Variants in SCRIB observed in about 807,000 individuals in gnomAD.
SCRIB encodes scribble planar cell polarity protein, also known as protein scribble homolog.
Under a neutral mutation model 170.0 loss-of-function variants are expected in SCRIB, and 72 were observed. The ratio of observed to expected loss-of-function variants is 0.42; its 90% CI spans 0.35 to 0.52. The LOEUF (loss-of-function observed/expected upper bound fraction) is 0.52. Ranked by LOEUF, SCRIB falls within the 20% of genes least tolerant of loss-of-function variation. The pLI is 0.02. For synonymous variants in SCRIB, 1,298 were observed against 1,044.3 expected, an observed-to-expected ratio of 1.24 and a Z score of -4.68; for missense variants, 2,475 against 2,338.5, an observed-to-expected ratio of 1.06 and a Z score of -1.20.
intron 1 of SCRIB, chr8:143,814,850 A>G: frequency 4.0e-6 from 1 of 252,744 alleles, no homozygotes; most frequent in Non-Finnish European, 7.6e-6. Context: ...CCAGCAAAAA[A>G]GGAGAGGAGG....
At chr8:143,813,178 G>A (rs1014649156) in intron 6 of SCRIB, 74 bp from the exon 7 acceptor site, 22 of 1,582,144 alleles carry the variant, frequency 1.4e-5, no homozygotes, top group African/African-American at 2.7e-5. Flanking sequence ...GAGACTATAC[G>A]CCCCCACACC....
intron 27 of SCRIB, 142 bp downstream of exon 27, chr8:143,794,896 G>A (rs1164053031): frequency 4.3e-6 from 3 of 702,968 alleles, no homozygotes; most frequent in African/African-American, 3.5e-5. Context: ...GGCTGGGGTA[G>A]CCTGCAGGTC....
chr8:143,794,008 GCCC>G, intron 27 of SCRIB, 46 bp from the exon 28 acceptor site: 1 of 1,587,142 alleles, frequency 6.3e-7, no homozygotes, highest in Admixed American at 1.7e-5. Flanking sequence ...CAGGGCTGTG[GCCC>G]CCGACCAGGA....
rs757258202 is a variant in SCRIB at position 143,812,802 on chromosome 8, C to T, written c.787+15G>A. 3.1e-6 allele frequency: 5 copies of T among 1,596,004 alleles called. No individual in the cohort carries two copies. The highest frequency in any genetic ancestry group is 3.3e-4 in the Middle Eastern group (2 of 5,982). ...GCTCCGTGTGCCCCACCCAGGCACC[C>T]CCAGGCACACTAACCGATGCCGTCG... On this transcript the variant is annotated intron_variant, in intron 8 of 36. Coordinates refer to ENST00000356994, the MANE Select transcript of SCRIB (RefSeq NM_182706.5).
At chr8:143,815,161 G>C in intron 1 of SCRIB, 53 bp downstream of exon 1, 1 of 1,470,404 alleles carries the variant, frequency 6.8e-7, no homozygotes, top group Non-Finnish European at 9.0e-7. Context: ...GCCGCCGGAG[G>C]AATCACGGGC....
intron 19 of SCRIB, 30 bp downstream of exon 19, chr8:143,805,082 G>A (rs782731340): frequency 1.9e-6 from 3 of 1,590,370 alleles, no homozygotes; most frequent in Non-Finnish European, 2.6e-6. Context: ...CTCTAGAGCA[G>A]CCCTCCCCGG....
intron 21 of SCRIB, 21 bp downstream of exon 21, chr8:143,804,547 G>A (rs782168266): frequency 1.3e-6 from 2 of 1,489,462 alleles, no homozygotes; most frequent in Admixed American, 4.6e-5. Flanking sequence ...GTGGGTGCCT[G>A]GGTGGGGGCT....
At position 143,803,744 on chromosome 8, in the gene SCRIB, G is replaced by A; in HGVS notation, c.3317C>T (p.Ala1106Val). ...GCTGATGCCCAGCCTCTCCCCAGGT[G>A]CCTTCTGGATGCACAGTTCCCGTAG... is the stretch of plus-strand genomic sequence containing the variant. ...PGLRELCIQK[A>V]PGERLGISIR... is the part of the protein sequence containing the mutation. Residue 1106 changes from alanine (A) to valine (V), a missense_variant, in exon 23 of 37, where the codon GCA (alanine) becomes GTA (valine). Around this residue, in one of 3 missense-constraint regions of SCRIB, gnomAD observed 1,966 missense variants for 1,742.9 expected, o/e 1.13. Transcript: ENST00000356994. 4 of 1,599,952 alleles carry A rather than the reference G, an allele frequency of 2.5e-6. No homozygotes were observed. Among genetic ancestry groups the A allele is most frequent in the Non-Finnish European group, 3.4e-6 (4 of 1,178,750 alleles).
intron 24 of SCRIB, among the ~76,000 whole-genome samples, chr8:143,798,033 T>C (rs1228843905): frequency 6.6e-6 from 1 of 152,198 alleles, no homozygotes; most frequent in East Asian, 1.9e-4. Flanking sequence ...AGCAGAGAGA[T>C]GGAGGCCGGT....
Position 143,815,294 on chromosome 8 carries a change from C to T in SCRIB, c.79G>A (p.Val27Met). ...VDKRHCSLQA[V>M]PEEIYRYSRS... ...CTGTAGCGGTAGATCTCCTCCGGCA[C>T]GGCCTGCAGCGAACAGTGCCGCTTG... The change falls in exon 1 of 37, where the codon GTG becomes ATG. Residue 27 changes from valine to methionine, a missense_variant. Transcript: ENST00000356994. The T allele has an allele frequency of 6.3e-7, 1 of 1,594,272 alleles. No individual in the cohort carries two copies. The highest frequency in any genetic ancestry group is 8.5e-7 in the Non-Finnish European group (1 of 1,173,222).
In SCRIB at chr8:143,810,761, G is replaced by A. The variant is rs1305181004; in HGVS notation, c.1329C>T (p.Ser443=). 3 of 1,606,278 alleles carry A rather than the reference G, an allele frequency of 1.9e-6. No homozygotes were observed. The African/African-American group carries it at 4.0e-5, about 21-fold the overall frequency. The change falls in exon 12 of 37, where the codon AGC becomes AGT. Residue 443 remains serine, a synonymous_variant. Coordinates refer to ENST00000356994, the MANE Select transcript of SCRIB (RefSeq NM_182706.5). ...CCAGGAACTGGATGACGCTGACGCG[G>A]CTCGGCGGGGCATCGCTCCAGGTCT... The part of the protein sequence containing the change: ...LSETWSDAPP[S]RVSVIQFLEA...
At chr8:143,803,970 C>T (rs547311755) in intron 22 of SCRIB, 30 bp from the exon 23 acceptor site, 1 of 1,572,144 alleles carries the variant, frequency 6.4e-7, no homozygotes, top group East Asian at 2.3e-5. Context: ...CAGCTGGTGG[C>T]TGAGGCCGCG....
At chr8:143,802,140 G>A (rs1414890270) in intron 24 of SCRIB, among the ~76,000 whole-genome samples, 1 of 152,238 alleles carries the variant, frequency 6.6e-6, no homozygotes, top group Non-Finnish European at 1.5e-5. Context: ...CAGAGCTCGA[G>A]TCCTCAGATA....
In SCRIB at chr8:143,806,975, G is replaced by A; in HGVS notation, c.2217C>T (p.Gly739=). 3 of 1,613,410 alleles carry A rather than the reference G, an allele frequency of 1.9e-6. No individual in the cohort carries two copies. The highest frequency in any genetic ancestry group is 2.5e-6 in the Non-Finnish European group (3 of 1,179,746). ...AGCCCTTGCCGCCCGCAATGCTGAT[G>A]CCCAGGCCCCCAGTCTGCCGCAGGA... ...LTILRQTGGL[G]ISIAGGKGST... The change falls in exon 17 of 37, where the codon GGC becomes GGT. Residue 739 remains glycine, a synonymous_variant. Coordinates refer to ENST00000356994, the MANE Select transcript of SCRIB (RefSeq NM_182706.5).
intron 24 of SCRIB, 36 bp from the exon 25 acceptor site, chr8:143,795,566 G>A (rs1814908700): frequency 1.3e-6 from 2 of 1,525,992 alleles, no homozygotes; most frequent in Non-Finnish European, 1.8e-6. Flanking sequence ...AGGGGGGACT[G>A]CAACCCGGGG....
chr8:143,806,831 G>T, intron 17 of SCRIB, 93 bp downstream of exon 17: 1 of 917,020 alleles, frequency 1.1e-6, no homozygotes, highest in Non-Finnish European at 1.7e-6. Flanking sequence ...GAGCGTGTGA[G>T]TGTTCTCAGG....
Position 143,791,998 on chromosome 8 carries a change from AGGGGTGGGCGAC to A in SCRIB, c.4638_4649del (p.Ser1547_Pro1550del), listed in dbSNP as rs781865703. On this transcript the variant is annotated inframe_deletion, in exon 33 of 37. Transcript: ENST00000356994. The stretch of plus-strand genomic sequence containing the variant: ...CTGCCCTGACCCACAGACCTTCCAC[AGGGGTGGGCGAC>A]GGGGTGGGCGCAGGGGAAGGGGCCT... 3.6e-5 allele frequency: 47 copies of A among 1,307,004 alleles called. No homozygotes were observed. The highest frequency in any genetic ancestry group is 3.1e-4 in the Admixed American group (13 of 41,552). The allele number at this position is 1,307,004 out of a possible 1,614,324, so 81.0% of individuals were successfully genotyped here. A position where few individuals can be genotyped will look rare whatever the true frequency, so the allele number is the denominator to read the frequency against.
chr8:143,804,916 G>T lies in SCRIB; in HGVS notation c.2751+18C>A, dbSNP rs1449733966. The T allele has an allele frequency of 1.6e-5, 24 of 1,535,018 alleles. No individual in the cohort carries two copies. Among genetic ancestry groups the T allele is most frequent in the Non-Finnish European group, 2.0e-5 (23 of 1,146,384 alleles). ...CAGGGGGGATGGGTGGGTGGGGCGG[G>T]GCCCCATCCCCACTCACAGAGAGGA... is the stretch of plus-strand genomic sequence containing the variant. On this transcript the variant is annotated intron_variant, in intron 20 of 36. Transcript: ENST00000356994.
At chr8:143,791,826 C>A (rs781828865) in intron 34 of SCRIB, 50 bp downstream of exon 34, 21 of 1,280,634 alleles carry the variant, frequency 1.6e-5, no homozygotes, top group Middle Eastern at 2.0e-4. Flanking sequence ...GGCCAGACCC[C>A]ACCCCCATGC....
Sources: gnomAD v4.1 joint callset for allele counts (sites outside exome capture counted in the v4.1 genomes callset) on GRCh38, gnomAD v4.1.1 for gene constraint, gnomAD v4.1.1 regional missense constraint, MANE v1.5 for transcripts, NCBI Gene and HGNC (gene_info 2026-07-23, HGNC 2026-07-21) for gene names.